TPH2: variants seen among roughly 807,000 people sequenced by gnomAD.
TPH2 encodes tryptophan hydroxylase 2.
A neutral mutation model predicts 59.1 loss-of-function variants in TPH2; 27 were observed. The ratio of observed to expected loss-of-function variants is 0.46; its 90% confidence interval spans 0.34 to 0.63. The LOEUF (loss-of-function observed/expected upper bound fraction) is 0.63, where lower values mean the gene tolerates loss of function less well. Ranked by LOEUF, TPH2 falls within the 30% of genes least tolerant of loss-of-function variation. The probability of loss-of-function intolerance (pLI) is 0.01; values close to 1 mark genes in which losing one functional copy is unlikely to be tolerated. For missense variants in TPH2, 523 were observed against 588.3 expected, an observed-to-expected ratio of 0.89 and a Z score of 1.15; for synonymous variants, 220 against 210.5, an observed-to-expected ratio of 1.05 and a Z score of -0.39.
chr12:72,012,589 A>G (rs1342629843), intron 8 of TPH2, among the ~76,000 whole-genome samples: 1 of 152,192 alleles, frequency 6.6e-6, no homozygotes, highest in Non-Finnish European at 1.5e-5. Flanking sequence ...CTTTTACTCT[A>G]GAGCAATGAG....
intron 5 of TPH2, among the ~76,000 whole-genome samples, chr12:71,969,279 T>A (rs1447940140): frequency 6.6e-6 from 1 of 151,970 alleles, no homozygotes; most frequent in Non-Finnish European, 1.5e-5. Flanking sequence ...CAAGACTCCA[T>A]CTCAAAAAAG....
At chr12:71,996,573 T>C (rs190120467) in intron 8 of TPH2, among the ~76,000 whole-genome samples, 1 of 152,328 alleles carries the variant, frequency 6.6e-6, no homozygotes, top group East Asian at 1.9e-4. Flanking sequence ...CTTCTGCCTA[T>C]ACCCTTGATC....
At chr12:71,992,418 C>G (rs7487961) in intron 7 of TPH2, among the ~76,000 whole-genome samples, 75,787 of 147,994 alleles carry the variant, frequency 0.51, 19,873 homozygotes, top group Middle Eastern at 0.59. Context: ...ACCCCCACCC[C>G]CACCCCCACC....
intron 5 of TPH2, among the ~76,000 whole-genome samples, chr12:71,969,082 G>A (rs1375528272): frequency 2.0e-5 from 3 of 152,322 alleles, no homozygotes; most frequent in South Asian, 4.1e-4. Context: ...AGGAGATCGA[G>A]ATCATCTTGG....
At chr12:72,016,914 T>C (rs1873269827) in intron 8 of TPH2, among the ~76,000 whole-genome samples, 1 of 152,068 alleles carries the variant, frequency 6.6e-6, no homozygotes. Flanking sequence ...GAAGAGGCTA[T>C]GTAATTATTT....
chr12:72,021,571 G>A (rs1297942729), intron 8 of TPH2, among the ~76,000 whole-genome samples: 5 of 152,036 alleles, frequency 3.3e-5, no homozygotes, highest in Non-Finnish European at 1.5e-5. Context: ...TGTGTTAGAT[G>A]ATTTTGCTCA....
At chr12:71,980,017 A>G (rs1440029289) in intron 7 of TPH2, among the ~76,000 whole-genome samples, 1 of 152,214 alleles carries the variant, frequency 6.6e-6, no homozygotes, top group East Asian at 1.9e-4. Context: ...ATGAAGTGCT[A>G]ATAAGTGCTG....
chr12:71,946,934 G>T (rs1239960781), intron 4 of TPH2, among the ~76,000 whole-genome samples: 1 of 152,178 alleles, frequency 6.6e-6, no homozygotes, highest in Non-Finnish European at 1.5e-5. Flanking sequence ...GATAAGGCTT[G>T]CACCAGAGGG....
intron 9 of TPH2, among the ~76,000 whole-genome samples, chr12:72,029,006 A>G (rs1873645229): frequency 6.6e-6 from 1 of 152,212 alleles, no homozygotes; most frequent in Non-Finnish European, 1.5e-5. Context: ...CTAAATACGT[A>G]TCTGGCTATC....
intron 7 of TPH2, among the ~76,000 whole-genome samples, chr12:71,983,079 A>C (rs1377723077): frequency 3.3e-5 from 5 of 152,112 alleles, no homozygotes; most frequent in African/African-American, 1.2e-4. Context: ...AAAAAAAAAA[A>C]AGTGATGGCA....
At chr12:71,950,236 T>C (rs1359797594) in intron 5 of TPH2, among the ~76,000 whole-genome samples, 1 of 152,156 alleles carries the variant, frequency 6.6e-6, no homozygotes, top group East Asian at 1.9e-4. Context: ...TGGCAGTGAC[T>C]TTCACTCGCA....
intron 8 of TPH2, among the ~76,000 whole-genome samples, chr12:72,014,956 C>A (rs1051254580): frequency 6.6e-6 from 1 of 152,102 alleles, no homozygotes; most frequent in Non-Finnish European, 1.5e-5. Flanking sequence ...TTTTTATTGC[C>A]TTAAAACCTC....
intron 7 of TPH2, among the ~76,000 whole-genome samples, chr12:71,983,015 C>A (rs1454757558): frequency 6.6e-6 from 1 of 151,904 alleles, no homozygotes; most frequent in Non-Finnish European, 1.5e-5. Context: ...CTTGCCTTCA[C>A]ACAATATATT....
chr12:71,943,940 C>T (rs1388538145), intron 2 of TPH2, among the ~76,000 whole-genome samples: 1 of 152,036 alleles, frequency 6.6e-6, no homozygotes, highest in African/African-American at 2.4e-5. Flanking sequence ...CTGGATATTA[C>T]ATGATAATAT....
intron 7 of TPH2, among the ~76,000 whole-genome samples, chr12:71,988,060 T>C (rs1592400036): frequency 6.6e-6 from 1 of 152,202 alleles, no homozygotes; most frequent in African/African-American, 2.4e-5. Flanking sequence ...GTGGCTATTA[T>C]ATTGCATGGT....
In TPH2 at chr12:72,002,081, G is replaced by A. The variant is rs114478093; in HGVS notation, c.1068+7516G>A. 7.8e-3 allele frequency among the ~76,000 whole-genome samples: 1,192 copies of A among 152,252 alleles called. 12 individuals are homozygous for A. Among genetic ancestry groups the A allele is most frequent in the African/African-American group, 0.027 (1,118 of 41,546 alleles). On this transcript the variant is annotated intron_variant, in intron 8 of 10. Transcript: ENST00000333850. ...GTCTCACCATAAAAATAATAGGTAG[G>A]TAAGTGAGATAAATGGACAGGTTAA...
intron 5 of TPH2, among the ~76,000 whole-genome samples, chr12:71,967,551 A>G (rs763370074): frequency 6.6e-5 from 10 of 152,192 alleles, no homozygotes; most frequent in Non-Finnish European, 1.3e-4. Flanking sequence ...TGAAAGTCCC[A>G]TTTGTTTTTC....
intron 8 of TPH2, among the ~76,000 whole-genome samples, chr12:72,004,082 A>G (rs926506494): frequency 2.2e-5 from 3 of 138,952 alleles, no homozygotes. Context: ...GGGATCTCTC[A>G]GCACTCATCC....
At position 71,938,889 on chromosome 12, in the gene TPH2, G is replaced by A. The variant is rs1870971976; in HGVS notation, c.-98G>A. The stretch of plus-strand genomic sequence containing the variant: ...GGGTTCTGGACAGCGCCCCAAGCAG[G>A]CAGCTGATCGCACGCCCCTTCCTCT... On this transcript the variant is annotated 5_prime_UTR_variant, in exon 1 of 11. Coordinates refer to ENST00000333850, the MANE Select transcript of TPH2 (RefSeq NM_173353.4). 6 of 1,017,432 alleles carry A rather than the reference G, an allele frequency of 5.9e-6. No homozygotes were observed. The highest frequency in any genetic ancestry group is 1.6e-5 in the African/African-American group (1 of 63,492). 63.0% of individuals were successfully genotyped at this position (1,017,432 alleles called of 1,614,324 possible).
Sources: gnomAD v4.1 joint callset for allele counts (sites outside exome capture counted in the v4.1 genomes callset) on GRCh38, gnomAD v4.1.1 for gene constraint, MANE v1.5 for transcripts, NCBI Gene and HGNC (gene_info 2026-07-23, HGNC 2026-07-21) for gene names.